CCDC191: variants seen among roughly 807,000 people sequenced by gnomAD.
The protein encoded by CCDC191 is coiled-coil domain containing 191.
Under a neutral mutation model 114.0 loss-of-function variants are expected in CCDC191, and 99 were observed. The observed-to-expected ratio is 0.87, with a 90% CI of 0.74 to 1.03. CCDC191 has a LOEUF of 1.03. Among genes scored for constraint, CCDC191 ranks in the 50% least tolerant of loss-of-function variants. The pLI is 0.00. For synonymous variants in CCDC191, 351 were observed against 376.0 expected, an observed-to-expected ratio of 0.93 and a Z score of 0.77; for missense variants, 973 against 1,087.0, an observed-to-expected ratio of 0.90 and a Z score of 1.47.
At chr3:114,033,118 G>A (rs1056148885) in intron 6 of CCDC191, among the ~76,000 whole-genome samples, 3 of 150,454 alleles carry the variant, frequency 2.0e-5, no homozygotes, top group African/African-American at 7.4e-5. Flanking sequence ...GTTTGCGATG[G>A]AGTCTCACTC....
intron 11 of CCDC191, chr3:114,004,352 C>T (rs1345531104): frequency 9.9e-7 from 1 of 1,005,194 alleles, no homozygotes. Flanking sequence ...TTTTTTTTCA[C>T]AATCCAAATC....
chr3:113,999,123 T>C (rs2075800140), intron 13 of CCDC191, among the ~76,000 whole-genome samples: 1 of 152,132 alleles, frequency 6.6e-6, no homozygotes, highest in Non-Finnish European at 1.5e-5. Flanking sequence ...GTTTCTCTGA[T>C]AGCCAGGATT....
chr3:113,977,563 A>G (rs2074972300), intron 16 of CCDC191, among the ~76,000 whole-genome samples: 1 of 152,246 alleles, frequency 6.6e-6, no homozygotes, highest in African/African-American at 2.4e-5. Context: ...ATATAGTATG[A>G]TTCCATGTAT....
chr3:114,000,205 C>A (rs2075827691), intron 13 of CCDC191, among the ~76,000 whole-genome samples: 1 of 152,208 alleles, frequency 6.6e-6, no homozygotes, highest in Non-Finnish European at 1.5e-5. Context: ...AAGTAGATTG[C>A]CCTCACTAAT....
chr3:114,039,370 T>C (rs1313052902), intron 4 of CCDC191: 1 of 151,772 alleles, frequency 6.6e-6, no homozygotes, highest in Non-Finnish European at 1.5e-5. Flanking sequence ...ATTAGCTGGG[T>C]GTGGTGGCAC....
intron 13 of CCDC191, among the ~76,000 whole-genome samples, chr3:113,993,099 C>T (rs949911148): frequency 6.6e-6 from 1 of 152,098 alleles, no homozygotes; most frequent in South Asian, 2.1e-4. Context: ...TGACAAAACT[C>T]AACACCCTTG....
At chr3:114,055,559 AAT>A (rs2076761264) in intron 1 of CCDC191, among the ~76,000 whole-genome samples, 1 of 152,214 alleles carries the variant, frequency 6.6e-6, no homozygotes, top group African/African-American at 2.4e-5. Context: ...ACATCTACAG[AAT>A]ATTATTTAGG....
chr3:114,043,757 A>G (rs2076594337), intron 3 of CCDC191, among the ~76,000 whole-genome samples: 1 of 152,200 alleles, frequency 6.6e-6, no homozygotes, highest in Admixed American at 6.5e-5. Context: ...AACAAGTATA[A>G]TAATCCAAAA....
intron 1 of CCDC191, among the ~76,000 whole-genome samples, chr3:114,053,916 A>AT (rs1237792476): frequency 2.0e-5 from 3 of 152,050 alleles, no homozygotes; most frequent in Admixed American, 6.5e-5. Context: ...TGGCACTGCT[A>AT]TTTTTTTAAA....
Position 114,034,320 on chromosome 3 carries a change from G to A in CCDC191, c.818+605C>T, listed in dbSNP as rs534331257. Among the ~76,000 whole-genome samples the A allele has an allele frequency of 1.5e-4, 23 of 152,150 alleles. No homozygotes were observed. The South Asian group carries it at 2.7e-3, about 18-fold the overall frequency. ...TACCTATTAAAAGTGTAAAAATATT[G>A]AAAATGATGATACTCCCTAAGGCTG... is the stretch of plus-strand genomic sequence containing the variant. On this transcript the variant is annotated intron_variant, in intron 6 of 16. Transcript: ENST00000295878.
intron 6 of CCDC191, among the ~76,000 whole-genome samples, chr3:114,033,955 C>T (rs992588462): frequency 1.3e-5 from 2 of 152,242 alleles, no homozygotes; most frequent in East Asian, 3.8e-4. Context: ...TGTGGCCTCT[C>T]AGTTCGAGTA....
At chr3:114,053,495 TAGC>T (rs1192430110) in intron 2 of CCDC191, 99 bp downstream of exon 2, 1 of 556,060 alleles carries the variant, frequency 1.8e-6, no homozygotes, top group Non-Finnish European at 3.1e-6. Context: ...GGAATAAAAA[TAGC>T]AGAGTATGTG....
rs138230576 is a variant in CCDC191 at position 113,986,080 on chromosome 3, T to C, written c.2164-5287A>G. On this transcript the variant is annotated intron_variant, in intron 13 of 16. Coordinates refer to ENST00000295878, the MANE Select transcript of CCDC191 (RefSeq NM_020817.2). ...ATGTTAAATGTTCTAATGGAAAAGGTAGACATCATTCCAGATCAGATAGGT... is the reference window on the plus strand; with the variant it reads ...ATGTTAAATGTTCTAATGGAAAAGGCAGACATCATTCCAGATCAGATAGGT... 8.8e-4 allele frequency among the ~76,000 whole-genome samples: 134 copies of C among 152,248 alleles called. 3 individuals are homozygous for C. The East Asian group carries it at 0.014, about 15-fold the overall frequency.
At chr3:114,002,350 G>A in intron 12 of CCDC191, 106 bp downstream of exon 12, 1 of 744,846 alleles carries the variant, frequency 1.3e-6, no homozygotes, top group Non-Finnish European at 2.1e-6. Flanking sequence ...CAAAGTTGAT[G>A]TAACTCTATT....
At chr3:114,027,150 C>T (rs2076331611) in intron 7 of CCDC191, among the ~76,000 whole-genome samples, 1 of 152,098 alleles carries the variant, frequency 6.6e-6, no homozygotes, top group Non-Finnish European at 1.5e-5. Context: ...AAAGCTTCTA[C>T]ACAAAAAACA....
chr3:114,015,490 T>G (rs1325181246), intron 8 of CCDC191, among the ~76,000 whole-genome samples: 2 of 152,206 alleles, frequency 1.3e-5, no homozygotes, highest in Non-Finnish European at 2.9e-5. Context: ...TTTATGAGAT[T>G]TTGGTGCAGA....
chr3:113,965,107 C>A lies in CCDC191; in HGVS notation c.*48G>T, dbSNP rs765757981. 22 of 1,215,222 alleles carry A rather than the reference C, an allele frequency of 1.8e-5. No individual in the cohort carries two copies. The highest frequency in any genetic ancestry group is 2.4e-5 in the Non-Finnish European group (21 of 860,434). 75.3% of individuals were successfully genotyped at this position (1,215,222 alleles called of 1,614,324 possible). On this transcript the variant is annotated 3_prime_UTR_variant, in exon 17 of 17. Transcript: ENST00000295878. Reference sequence around the variant, plus strand: ...TGTGTGGGTGGGTGGAGATAACACACATACAGACTAGTCGAGCTTCCTGTC... The same window carrying A: ...TGTGTGGGTGGGTGGAGATAACACAAATACAGACTAGTCGAGCTTCCTGTC...
chr3:114,051,515 C>A (rs2076697718), intron 2 of CCDC191, among the ~76,000 whole-genome samples: 1 of 152,150 alleles, frequency 6.6e-6, no homozygotes, highest in African/African-American at 2.4e-5. Flanking sequence ...ATTGCTTGAG[C>A]CCAGGAGTTT....
At chr3:113,971,801 A>G (rs1940850939) in intron 16 of CCDC191, among the ~76,000 whole-genome samples, 1 of 152,032 alleles carries the variant, frequency 6.6e-6, no homozygotes, top group Admixed American at 6.6e-5. Flanking sequence ...TGAAGCCATT[A>G]GGACCTGGGC....
Sources: allele counts gnomAD v4.1 joint callset (sites outside exome capture counted in the v4.1 genomes callset), GRCh38; gene constraint gnomAD v4.1.1; transcripts MANE v1.5; gene names NCBI Gene and HGNC (gene_info 2026-07-23, HGNC 2026-07-21).